Variants in MGAM observed in about 807,000 individuals in gnomAD.
MGAM encodes maltase-glucoamylase.
In MGAM, 253 loss-of-function variants were observed where a neutral mutation model predicts 358.8. The ratio of observed to expected loss-of-function variants is 0.71; its 90% CI spans 0.64 to 0.78. The LOEUF (loss-of-function observed/expected upper bound fraction) is 0.78. Ranked by LOEUF, MGAM falls within the 30% of genes least tolerant of loss-of-function variation. MGAM has a pLI of 0.00. For synonymous variants in MGAM, 1,105 were observed against 1,227.1 expected, an observed-to-expected ratio of 0.90 and a Z score of 2.08; for missense variants, 3,080 against 3,432.6, an observed-to-expected ratio of 0.90 and a Z score of 2.57.
intron 3 of MGAM, among the ~76,000 whole-genome samples, chr7:142,012,483 C>T (rs1489085474): frequency 3.3e-5 from 5 of 152,098 alleles, no homozygotes; most frequent in South Asian, 2.1e-4. Flanking sequence ...ACTGGCAACA[C>T]GTGAATTTTG....
At chr7:142,019,834 C>T (rs1295723165) in intron 4 of MGAM, among the ~76,000 whole-genome samples, 7 of 152,046 alleles carry the variant, frequency 4.6e-5, no homozygotes, top group African/African-American at 1.5e-4. Context: ...TTTGGGAGGC[C>T]GAGGTGGATA....
chr7:142,037,029 G>A (rs1298726089), intron 18 of MGAM, 52 bp downstream of exon 18: 8 of 1,542,248 alleles, frequency 5.2e-6, no homozygotes, highest in Non-Finnish European at 6.2e-6. Flanking sequence ...GAATGACATT[G>A]ACTATATCAT....
upstream of MGAM, among the ~76,000 whole-genome samples, chr7:141,995,024 C>A (rs1220768045): frequency 6.6e-6 from 1 of 152,108 alleles, no homozygotes; most frequent in Admixed American, 6.5e-5. Flanking sequence ...GGGCAGTAAG[C>A]AACTTATAGA....
chr7:141,991,860 A>T (rs1043789878), upstream of MGAM, among the ~76,000 whole-genome samples: 3 of 152,144 alleles, frequency 2.0e-5, no homozygotes, highest in Non-Finnish European at 4.4e-5. Flanking sequence ...ACAGCAAGCC[A>T]CTCCAGGCAC....
At chr7:141,995,233 C>T (rs1343109984), upstream of MGAM, among the ~76,000 whole-genome samples, 1 of 127,260 alleles carries the variant, frequency 7.9e-6, no homozygotes. Context: ...CTAGAATAAG[C>T]AAAAAGCCAA....
At chr7:142,043,022 A>C (rs1333983335) in intron 21 of MGAM, among the ~76,000 whole-genome samples, 1 of 96,808 alleles carries the variant, frequency 1.0e-5, no homozygotes, top group Non-Finnish European at 1.7e-5. Flanking sequence ...ATATATATAA[A>C]ATATAAACAT....
chr7:142,102,603 C>T (rs1270597378), intron 68 of MGAM, 27 bp from the exon 69 acceptor site: 1 of 1,608,612 alleles, frequency 6.2e-7, no homozygotes, highest in African/African-American at 1.3e-5. Context: ...AGGTCCAGGC[C>T]ATGTTTATCT....
At chr7:142,033,524 A>G (rs1448016888) in intron 14 of MGAM, among the ~76,000 whole-genome samples, 3 of 152,182 alleles carry the variant, frequency 2.0e-5, no homozygotes, top group African/African-American at 7.2e-5. Flanking sequence ...TAAGATGATA[A>G]TAACTTATGA....
rs114210125 is a variant in MGAM, at chr7:142,081,565, G to T, written c.6003-477G>T. Among the ~76,000 whole-genome samples the T allele has an allele frequency of 2.5e-3, 363 of 146,130 alleles. 11 individuals carry two copies. The highest frequency in any genetic ancestry group is 8.3e-3 in the African/African-American group (343 of 41,158). On this transcript the variant is annotated intron_variant, in intron 50 of 70. Coordinates refer to ENST00000475668, the MANE Select transcript of MGAM (RefSeq NM_001365693.1). ...TTGGAGCAATGGAGGAAGTAAGCAG[G>T]TGAGTGCTGGGAGAGGAAGCTGCAA... is the stretch of plus-strand genomic sequence containing the variant.
Position 142,081,534 on chromosome 7 carries a change from G to T in MGAM, c.6003-508G>T, listed in dbSNP as rs1482658604. On this transcript the variant is annotated intron_variant, in intron 50 of 70. Coordinates refer to ENST00000475668, the MANE Select transcript of MGAM (RefSeq NM_001365693.1). ...TGGCATGCTAAAGAAAAGAAGTCTA[G>T]TGTGGTTGGAGCAATGGAGGAAGTA... 2.1e-5 allele frequency among the ~76,000 whole-genome samples: 3 copies of T among 145,902 alleles called. 1 individual carries two copies. The highest frequency in any genetic ancestry group is 7.3e-5 in the African/African-American group (3 of 41,044).
Position 142,082,995 on chromosome 7 carries a change from G to C in MGAM, c.6269-306G>C, listed in dbSNP as rs965278200. On this transcript the variant is annotated intron_variant, in intron 52 of 70. Transcript: ENST00000475668. ...GATTCATACCCCAAACTTCAGCATC[G>C]TGCAATATTCCCATGTAACAAATGT... Among the ~76,000 whole-genome samples the C allele has an allele frequency of 1.4e-5, 2 of 146,052 alleles. 1 individual carries two copies. The highest frequency in any genetic ancestry group is 3.1e-5 in the Non-Finnish European group (2 of 64,522).
chr7:142,063,179 C>T (rs1490588326), intron 35 of MGAM, among the ~76,000 whole-genome samples: 3 of 151,380 alleles, frequency 2.0e-5, no homozygotes, highest in Admixed American at 2.0e-4. Context: ...GCCTGGGAAA[C>T]AAGCATAACT....
intron 64 of MGAM, 108 bp downstream of exon 64, chr7:142,095,821 C>T: frequency 1.3e-6 from 2 of 1,498,622 alleles, no homozygotes; most frequent in Non-Finnish European, 1.8e-6. Flanking sequence ...TTGACATGAG[C>T]TCTTCAGGTG....
intron 70 of MGAM, among the ~76,000 whole-genome samples, chr7:142,105,126 A>G (rs896947674): frequency 6.6e-6 from 1 of 152,142 alleles, no homozygotes; most frequent in Non-Finnish European, 1.5e-5. Context: ...AGGAAGAAGC[A>G]GGAATAGTGG....
At chr7:142,029,559 G>T (rs1807274839) in intron 10 of MGAM, among the ~76,000 whole-genome samples, 2 of 152,082 alleles carry the variant, frequency 1.3e-5, no homozygotes, top group Admixed American at 1.3e-4. Context: ...GCTGCCTAGT[G>T]GTGTGAGATG....
At chr7:142,005,733 T>C in intron 2 of MGAM, 76 bp downstream of exon 2, 2 of 1,439,762 alleles carry the variant, frequency 1.4e-6, no homozygotes, top group Non-Finnish European at 1.9e-6. Context: ...AGGAAAGTAA[T>C]GCTTTCATGC....
intron 21 of MGAM, among the ~76,000 whole-genome samples, chr7:142,042,700 A>G (rs527641994): frequency 2.1e-5 from 1 of 48,324 alleles, no homozygotes; most frequent in Non-Finnish European, 3.3e-5. Flanking sequence ...TATGTATAAT[A>G]TTATATATAA....
rs1489990494 is a variant in MGAM at position 142,076,002 on chromosome 7, G to C, written c.5276-201G>C. Among the ~76,000 whole-genome samples, 4 of 146,054 alleles carry C rather than the reference G, an allele frequency of 2.7e-5. 1 individual carries two copies. The highest frequency in any genetic ancestry group is 6.2e-5 in the Non-Finnish European group (4 of 64,490). On this transcript the variant is annotated intron_variant, in intron 45 of 70. Transcript: ENST00000475668. ...ACTCACTCCTCCCATATTCATTACAGCATTACTTGCAACAGCCAAGATATG... is the reference window on the plus strand; with the variant it reads ...ACTCACTCCTCCCATATTCATTACACCATTACTTGCAACAGCCAAGATATG...
intron 26 of MGAM, among the ~76,000 whole-genome samples, chr7:142,054,018 A>G (rs954021242): frequency 6.6e-6 from 1 of 152,116 alleles, no homozygotes; most frequent in Admixed American, 6.5e-5. Context: ...CGTGGTTGTT[A>G]TTCTTCACCA....
Sources: gnomAD v4.1 joint callset for allele counts (sites outside exome capture counted in the v4.1 genomes callset) on GRCh38, gnomAD v4.1.1 for gene constraint, MANE v1.5 for transcripts, NCBI Gene and HGNC (gene_info 2026-07-23, HGNC 2026-07-21) for gene names.